MARVELD3: variants seen among roughly 807,000 people sequenced by gnomAD.
The protein encoded by MARVELD3 is MARVEL domain containing 3, also known as MARVEL domain-containing protein 3.
A neutral mutation model predicts 33.5 loss-of-function variants in MARVELD3; 28 were observed. The ratio of observed to expected loss-of-function variants is 0.84; its 90% CI spans 0.62 to 1.15. MARVELD3 has a LOEUF of 1.15. Ranked by LOEUF, MARVELD3 falls within the 50% of genes most tolerant of loss-of-function variation. The pLI is 0.00. For synonymous variants in MARVELD3, 241 were observed against 230.4 expected (o/e 1.05, Z -0.42); for missense variants, 582 against 547.6 (o/e 1.06, Z -0.63).
Position 71,626,278 on chromosome 16 carries a change from C to T in MARVELD3, c.49C>T (p.Arg17Trp). 6.5e-7 allele frequency: 1 copy of T among 1,538,006 alleles called. No individual in the cohort carries two copies. The highest frequency in any genetic ancestry group is 8.8e-7 in the Non-Finnish European group (1 of 1,141,522). ...CGAGCCCCGGGCCCGGCCGAGAGAG[C>T]GGGACCCGGGACGGCGCCCCCACCC... ...AREPRARPRE[R>W]DPGRRPHPDQ... The change falls in exon 1 of 3, where the codon CGG (arginine) becomes TGG (tryptophan). Residue 17 changes from arginine to tryptophan, a missense_variant. Transcript: ENST00000268485. The surrounding 1 kb of genome is among the most constrained non-coding windows in gnomAD (Gnocchi z 5.3).
At position 71,626,297 on chromosome 16, in the gene MARVELD3, C is replaced by T. The variant is rs1406257478; in HGVS notation, c.68C>T (p.Pro23Leu). 4 of 1,546,616 alleles carry T rather than the reference C, an allele frequency of 2.6e-6. No homozygotes were observed. In the Admixed American group the frequency reaches 7.9e-5, roughly 30 times the overall value. ...AGAGAGCGGGACCCGGGACGGCGCC[C>T]CCACCCAGACCAAGGCCGCACCCAC... ...RPRERDPGRRPHPDQGRTHDR... is the reference protein window; with the variant it reads ...RPRERDPGRRLHPDQGRTHDR... The change falls in exon 1 of 3, where the codon CCC becomes CTC. Residue 23 changes from proline to leucine, a missense_variant. By Grantham distance (98) the Pro-to-Leu change is moderately conservative. Transcript: ENST00000268485. The surrounding 1 kb of genome is among the most constrained non-coding windows in gnomAD (Gnocchi z 5.3).
rs779972257 is a variant in MARVELD3, at chr16:71,635,417, AG to A, written c.*617del. 2 of 985,068 alleles carry A rather than the reference AG, an allele frequency of 2.0e-6. No individual in the cohort carries two copies. Among genetic ancestry groups the A allele is most frequent in the Non-Finnish European group, 2.4e-6 (2 of 829,924 alleles). The allele number at this position is 985,068 out of a possible 1,614,324, so 61.0% of individuals were successfully genotyped here. ...CAGAGTGCACCTCTTCATTCAGTAA[AG>A]GGAGGTCACCAAGAGAATTTGATGA... On this transcript the variant is annotated 3_prime_UTR_variant, in exon 3 of 3. Coordinates refer to ENST00000268485, the MANE Select transcript of MARVELD3 (RefSeq NM_052858.6).
At chr16:71,633,694 CT>C (rs60714318) in intron 2 of MARVELD3, among the ~76,000 whole-genome samples, 14,661 of 131,316 alleles carry the variant, frequency 0.11, 1,078 homozygotes, top group South Asian at 0.37. Context: ...CATACCCAGT[CT>C]TTTTTTTTTT....
At chr16:71,641,130 A>G (rs1041077153), downstream of MARVELD3, 3 of 1,385,314 alleles carry the variant, frequency 2.2e-6, no homozygotes, top group Admixed American at 4.9e-5. Context: ...ACTTGACTTT[A>G]TAAATGCTCT....
chr16:71,629,928 T>G (rs1045847175), intron 2 of MARVELD3, among the ~76,000 whole-genome samples: 4 of 151,950 alleles, frequency 2.6e-5, no homozygotes, highest in Non-Finnish European at 5.9e-5. Context: ...CGCCCAACAT[T>G]TGATCAATGG....
downstream of MARVELD3, chr16:71,640,903 T>A: frequency 6.2e-7 from 1 of 1,614,172 alleles, no homozygotes; most frequent in African/African-American, 1.3e-5. Flanking sequence ...CTCGTGATCA[T>A]GTACGGCGCC....
At chr16:71,633,101 G>A (rs2044548455) in intron 2 of MARVELD3, among the ~76,000 whole-genome samples, 1 of 151,436 alleles carries the variant, frequency 6.6e-6, no homozygotes, top group African/African-American at 2.4e-5. Flanking sequence ...AGTGGCTCAC[G>A]CCTGTAATCC....
chr16:71,626,661 GAGGA>G lies in MARVELD3; in HGVS notation c.436_439del (p.Lys146GlufsTer62). 1 of 1,524,772 alleles carries G rather than the reference GAGGA, an allele frequency of 6.6e-7. No homozygotes were observed. Among genetic ancestry groups the G allele is most frequent in the African/African-American group, 1.4e-5 (1 of 72,278 alleles). 94.5% of individuals were successfully genotyped at this position (1,524,772 alleles called of 1,614,324 possible). ...AAGCCCCGGAGCCGCCGCAGCCGCA[GAGGA>G]AGGGAGACCCCGGGCGCCGCAGACC... On this transcript the variant is annotated frameshift_variant, in exon 1 of 3. Coordinates refer to ENST00000268485, the MANE Select transcript of MARVELD3 (RefSeq NM_052858.6). LOFTEE classifies it high-confidence loss of function. This position sits in a 1 kb window ranked among gnomAD's most constrained non-coding sequence, Gnocchi z 5.3.
chr16:71,634,907 A>T lies in MARVELD3; in HGVS notation c.*104A>T. ...TTGTGGAAGTTTCCAGTGCTGGAAA[A>T]GCAGCGAGCCAGCGTTGGTGTGGTG... On this transcript the variant is annotated 3_prime_UTR_variant, in exon 3 of 3. Coordinates refer to ENST00000268485, the MANE Select transcript of MARVELD3 (RefSeq NM_052858.6). 1 of 1,492,814 alleles carries T rather than the reference A, an allele frequency of 6.7e-7. No homozygotes were observed. The highest frequency in any genetic ancestry group is 8.9e-7 in the Non-Finnish European group (1 of 1,125,468). The allele number at this position is 1,492,814 out of a possible 1,614,324, so 92.5% of individuals were successfully genotyped here.
rs890504537 is a variant in MARVELD3 at position 71,636,081 on chromosome 16, T to C, written c.*1278T>C. On this transcript the variant is annotated 3_prime_UTR_variant, in exon 3 of 3. Transcript: ENST00000268485. ...TTACTGCACATTAAATTATGACTTA[T>C]GGAACATTGCAATATATTCTCGGTC... The C allele has an allele frequency of 1.4e-5, 14 of 985,238 alleles. No individual in the cohort carries two copies. The highest frequency in any genetic ancestry group is 7.0e-5 in the African/African-American group (4 of 57,244). 61.0% of individuals were successfully genotyped at this position (985,238 alleles called of 1,614,324 possible).
downstream of MARVELD3, chr16:71,640,251 AG>A (rs1342343135): frequency 3.2e-6 from 3 of 940,112 alleles, no homozygotes; most frequent in Non-Finnish European, 4.7e-6. Flanking sequence ...TGGATGACAG[AG>A]TGACACCGTC....
chr16:71,629,189 T>G, intron 1 of MARVELD3, 178 bp from the exon 2 acceptor site: 1 of 628,718 alleles, frequency 1.6e-6, no homozygotes, highest in Non-Finnish European at 2.5e-6. Context: ...CTGGGCCAAG[T>G]ATTTGGATGT....
rs1005345605 is a variant in MARVELD3, at chr16:71,635,770, G to C, written c.*967G>C. On this transcript the variant is annotated 3_prime_UTR_variant, in exon 3 of 3. Coordinates refer to ENST00000268485, the MANE Select transcript of MARVELD3 (RefSeq NM_052858.6). Reference sequence around the variant, plus strand: ...CACTTCCTTAATTCTGCAAATGGAGGGGGTGGGGACTCTTGGGAAACTACT... The same window carrying C: ...CACTTCCTTAATTCTGCAAATGGAGCGGGTGGGGACTCTTGGGAAACTACT... 1 of 985,372 alleles carries C rather than the reference G, an allele frequency of 1.0e-6. No homozygotes were observed. Among genetic ancestry groups the C allele is most frequent in the Non-Finnish European group, 1.2e-6 (1 of 829,940 alleles). 61.0% of individuals were successfully genotyped at this position (985,372 alleles called of 1,614,324 possible).
rs1303564346 is a variant in MARVELD3 at position 71,626,383 on chromosome 16, C to G, written c.154C>G (p.Arg52Gly). ...RRKRSSDGNR[R>G]RDGDRDPERD... Reference sequence around the variant, plus strand: ...GAAGCGAAGCAGCGACGGGAACCGGCGAAGGGACGGGGACCGGGACCCGGA... The same window carrying G: ...GAAGCGAAGCAGCGACGGGAACCGGGGAAGGGACGGGGACCGGGACCCGGA... The change falls in exon 1 of 3, where the codon CGA becomes GGA. Residue 52 changes from arginine to glycine, a missense_variant. Physicochemically the swap from Arg to Gly is moderately radical, Grantham distance 125 (BLOSUM62 -2). Coordinates refer to ENST00000268485, the MANE Select transcript of MARVELD3 (RefSeq NM_052858.6). This position sits in a 1 kb window ranked among gnomAD's most constrained non-coding sequence, Gnocchi z 5.3. The G allele has an allele frequency of 6.5e-7, 1 of 1,546,066 alleles. No homozygotes were observed. The highest frequency in any genetic ancestry group is 1.4e-5 in the African/African-American group (1 of 72,988).
intron 2 of MARVELD3, among the ~76,000 whole-genome samples, chr16:71,630,203 G>A (rs1419570053): frequency 1.3e-5 from 2 of 148,738 alleles, no homozygotes; most frequent in Middle Eastern, 8.0e-3. Context: ...CCTGGCCAAC[G>A]TGGTGAGGAG....
intron 2 of MARVELD3, among the ~76,000 whole-genome samples, chr16:71,632,691 A>C (rs762114553): frequency 4.0e-5 from 6 of 151,392 alleles, no homozygotes; most frequent in Non-Finnish European, 8.8e-5. Flanking sequence ...AGCTCACTGC[A>C]AACTCCGCCT....
At chr16:71,641,011 G>T (rs371616837), downstream of MARVELD3, 6 of 1,602,168 alleles carry the variant, frequency 3.7e-6, no homozygotes, top group Non-Finnish European at 5.1e-6. Flanking sequence ...GAATATCTGT[G>T]GTCTGGAACT....
chr16:71,627,011 G>C (rs946355196), intron 1 of MARVELD3, among the ~76,000 whole-genome samples: 2 of 152,070 alleles, frequency 1.3e-5, no homozygotes, highest in Non-Finnish European at 2.9e-5. Context: ...CAGGCGGGTG[G>C]GGTTCACCCC....
At chr16:71,637,259 T>C (rs577271478), downstream of MARVELD3, among the ~76,000 whole-genome samples, 7 of 152,302 alleles carry the variant, frequency 4.6e-5, no homozygotes, top group African/African-American at 1.7e-4. Context: ...ATTTATTCCA[T>C]TGTAGCCTAA....
Sources: gnomAD v4.1 joint callset for allele counts (sites outside exome capture counted in the v4.1 genomes callset) on GRCh38, gnomAD v4.1.1 for gene constraint, Gnocchi (gnomAD v3.1) non-coding constraint, MANE v1.5 for transcripts, NCBI Gene and HGNC (gene_info 2026-07-23, HGNC 2026-07-21) for gene names.